The following PPP2R3C variants were observed in gnomAD, a reference collection of about 807,000 sequenced individuals.
The protein encoded by PPP2R3C is serine/threonine-protein phosphatase 2A regulatory subunit B'' subunit gamma.
In PPP2R3C, 47 loss-of-function variants were observed where a neutral mutation model predicts 63.7. The ratio of observed to expected loss-of-function variants is 0.74; its 90% CI spans 0.58 to 0.94. The LOEUF is 0.94. Among genes scored for constraint, PPP2R3C ranks in the 40% least tolerant of loss-of-function variants. The probability of loss-of-function intolerance (pLI) is 0.00; values close to 1 mark genes in which losing one functional copy is unlikely to be tolerated. For missense variants in PPP2R3C, 421 were observed against 518.4 expected (o/e 0.81, Z 1.82); for synonymous variants, 180 against 177.4 (o/e 1.01, Z -0.12).
chr14:35,100,346 T>C (rs913689385), intron 6 of PPP2R3C: 1 of 152,160 alleles, frequency 6.6e-6, no homozygotes, highest in Non-Finnish European at 1.5e-5. Flanking sequence ...TGCTGGGTTG[T>C]AGCATATGCA....
intron 11 of PPP2R3C, among the ~76,000 whole-genome samples, chr14:35,090,544 A>G (rs548695853): frequency 1.4e-4 from 21 of 152,240 alleles, no homozygotes; most frequent in Admixed American, 6.5e-4. Flanking sequence ...CGAGTTAGGT[A>G]AAATGGTTAC....
chr14:35,114,893 C>T (rs1218729811), intron 2 of PPP2R3C, among the ~76,000 whole-genome samples: 1 of 152,024 alleles, frequency 6.6e-6, no homozygotes, highest in African/African-American at 2.4e-5. Flanking sequence ...CTTAGGAGGG[C>T]TGAGGCAGGA....
chr14:35,101,958 T>G (rs571051240), intron 6 of PPP2R3C: 13 of 152,254 alleles, frequency 8.5e-5, no homozygotes, highest in Non-Finnish European at 1.9e-4. Context: ...CTTCTGGGTT[T>G]TGTCATACTT....
intron 10 of PPP2R3C, among the ~76,000 whole-genome samples, chr14:35,092,257 A>T (rs538734625): frequency 1.3e-5 from 2 of 150,962 alleles, no homozygotes; most frequent in East Asian, 2.0e-4. Context: ...CTTTGTAGAG[A>T]TGGGGTTTTC....
chr14:35,117,129 A>G (rs2046732484), intron 1 of PPP2R3C: 1 of 455,850 alleles, frequency 2.2e-6, no homozygotes, highest in East Asian at 6.9e-5. Context: ...AGACAGCCCC[A>G]GCCCCTGACC....
intron 12 of PPP2R3C, chr14:35,086,498 CTT>C (rs1159003633): frequency 3.8e-4 from 48 of 125,214 alleles, no homozygotes; most frequent in Non-Finnish European, 5.1e-4. Flanking sequence ...TGCGCCCAGC[CTT>C]TTTTTTTTTT....
intron 10 of PPP2R3C, among the ~76,000 whole-genome samples, chr14:35,092,267 C>A (rs2045845830): frequency 6.6e-6 from 1 of 150,526 alleles, no homozygotes; most frequent in Non-Finnish European, 1.5e-5. Context: ...ATGGGGTTTT[C>A]CTGTATTACC....
chr14:35,121,310 G>A (rs1365442253), intron 1 of PPP2R3C, among the ~76,000 whole-genome samples: 2 of 152,086 alleles, frequency 1.3e-5, no homozygotes, highest in African/African-American at 4.8e-5. Context: ...CCGGGAGGCA[G>A]AGGTTGCAGT....
intron 2 of PPP2R3C, among the ~76,000 whole-genome samples, chr14:35,114,490 T>A (rs549782179): frequency 7.6e-4 from 115 of 152,316 alleles, no homozygotes; most frequent in Non-Finnish European, 1.4e-3. Context: ...GCTAAATCAT[T>A]GTTTACTATA....
chr14:35,091,102 G>C lies in PPP2R3C; in HGVS notation c.1081C>G (p.Leu361Val), dbSNP rs1164665223. The C allele has an allele frequency of 6.2e-7, 1 of 1,606,290 alleles. No individual in the cohort carries two copies. The highest frequency in any genetic ancestry group is 2.2e-5 in the East Asian group (1 of 44,792). Residue 361 changes from leucine (L) to valine (V), a missense_variant, in exon 11 of 13, where the codon CTG becomes GTG. Physicochemically the swap from Leu to Val is conservative, Grantham distance 32. Transcript: ENST00000261475. ...AAATAATTAAGTGAAAAGACATTCA[G>C]GTATCCTTTGTTCTCAATATCAAGC... ...KLLDIENKGYLNVFSLNYFFR... is the reference protein window; with the variant it reads ...KLLDIENKGYVNVFSLNYFFR...
intron 2 of PPP2R3C, 42 bp from the exon 3 acceptor site, chr14:35,110,671 A>G (rs775476469): frequency 1.5e-6 from 2 of 1,334,212 alleles, no homozygotes; most frequent in Admixed American, 3.7e-5. Flanking sequence ...ATTTTAGACT[A>G]CTGGATCCTA....
chr14:35,121,722 A>C (rs1436014945), intron 1 of PPP2R3C, 180 bp downstream of exon 1: 1 of 629,978 alleles, frequency 1.6e-6, no homozygotes, highest in African/African-American at 1.8e-5. Context: ...ATTCTGCCCC[A>C]GGAAAGTTTG....
At chr14:35,111,014 G>A (rs745991062) in intron 2 of PPP2R3C, among the ~76,000 whole-genome samples, 1 of 151,978 alleles carries the variant, frequency 6.6e-6, no homozygotes, top group African/African-American at 2.4e-5. Flanking sequence ...CGAGGCAGGC[G>A]GATCATGAAG....
intron 11 of PPP2R3C, among the ~76,000 whole-genome samples, chr14:35,090,128 C>G (rs973778455): frequency 5.3e-5 from 8 of 151,240 alleles, no homozygotes; most frequent in African/African-American, 1.7e-4. Flanking sequence ...ATTGGAAATA[C>G]AAATATGTGA....
In PPP2R3C at chr14:35,096,648, A is replaced by C. The variant is rs1408050065; in HGVS notation, c.763-15T>G. On this transcript the variant is annotated splice_polypyrimidine_tract_variant and intron_variant, in intron 8 of 12. Coordinates refer to ENST00000261475, the MANE Select transcript of PPP2R3C (RefSeq NM_017917.4). Reference sequence around the variant, plus strand: ...TCATCCCTTAGCTAATGGAACACAAAGACATAATTAGAAGATAGCAACTGT... The same window carrying C: ...TCATCCCTTAGCTAATGGAACACAACGACATAATTAGAAGATAGCAACTGT... 1.2e-6 allele frequency: 2 copies of C among 1,611,590 alleles called. No homozygotes were observed. The highest frequency in any genetic ancestry group is 1.7e-6 in the Non-Finnish European group (2 of 1,179,054).
chr14:35,090,817 G>A (rs997513455), intron 11 of PPP2R3C, among the ~76,000 whole-genome samples: 6 of 148,012 alleles, frequency 4.1e-5, no homozygotes, highest in South Asian at 2.1e-4. Flanking sequence ...CCGGGTTCAC[G>A]CCATTCTCCT....
intron 10 of PPP2R3C, among the ~76,000 whole-genome samples, chr14:35,093,192 G>C (rs989127617): frequency 6.6e-5 from 10 of 151,714 alleles, no homozygotes; most frequent in Non-Finnish European, 2.9e-5. Context: ...CAGCCTGGGC[G>C]ACAGAGGGAG....
At chr14:35,115,397 G>C (rs1363785488) in intron 2 of PPP2R3C, among the ~76,000 whole-genome samples, 2 of 151,600 alleles carry the variant, frequency 1.3e-5, no homozygotes, top group African/African-American at 4.9e-5. Context: ...GGCCTCAAGT[G>C]ATCCTCCTGA....
intron 6 of PPP2R3C, chr14:35,100,188 G>A (rs527565036): frequency 6.6e-6 from 1 of 152,214 alleles, no homozygotes; most frequent in East Asian, 1.9e-4. Context: ...TTGCATAGAT[G>A]TGCCATATTT....
Sources: allele counts gnomAD v4.1 joint callset (sites outside exome capture counted in the v4.1 genomes callset), GRCh38; gene constraint gnomAD v4.1.1; transcripts MANE v1.5; gene names NCBI Gene and HGNC (gene_info 2026-07-23, HGNC 2026-07-21).